Variants in KIF26B observed in about 807,000 individuals in gnomAD.
KIF26B encodes kinesin-like protein KIF26B.
Under a neutral mutation model 151.2 loss-of-function variants are expected in KIF26B, and 63 were observed. The ratio of observed to expected loss-of-function variants is 0.42; its 90% CI spans 0.34 to 0.51. KIF26B has a LOEUF of 0.51. Ranked by LOEUF, KIF26B falls within the 20% of genes least tolerant of loss-of-function variation. KIF26B has a pLI of 0.07. For missense variants in KIF26B, 2,813 were observed against 2,913.6 expected (o/e 0.97, Z 0.79); for synonymous variants, 1,357 against 1,262.1 (o/e 1.08, Z -1.59).
chr1:245,447,328 T>C (rs1659270486), intron 4 of KIF26B, among the ~76,000 whole-genome samples: 1 of 152,236 alleles, frequency 6.6e-6, no homozygotes, highest in African/African-American at 2.4e-5. Flanking sequence ...GTTTTGCATA[T>C]CTACAAAGTG....
At chr1:245,605,204 G>A (rs1017217196) in intron 6 of KIF26B, among the ~76,000 whole-genome samples, 2 of 151,546 alleles carry the variant, frequency 1.3e-5, no homozygotes, top group Admixed American at 1.3e-4. Flanking sequence ...CACAGGAAGT[G>A]CTCACAGCAG....
chr1:245,584,503 CAT>C (rs1291689957), intron 5 of KIF26B, among the ~76,000 whole-genome samples: 3 of 152,214 alleles, frequency 2.0e-5, no homozygotes, highest in Admixed American at 6.5e-5. Flanking sequence ...CAAACACACT[CAT>C]GTGCACACAG....
intron 2 of KIF26B, among the ~76,000 whole-genome samples, chr1:245,292,842 C>T (rs941855425): frequency 2.0e-5 from 3 of 152,302 alleles, no homozygotes; most frequent in East Asian, 3.9e-4. Context: ...CATAACAACA[C>T]AGCTTCCTCC....
rs36085161 is a variant in KIF26B, at chr1:245,273,416, C to CAA, written c.466-93394_466-93393dup. ...CTGGGGAACAGAGCGAGACTTATCTCAAAAAAAAAAAAAAAAAAAAAAAAA... is the reference window on the plus strand; with the variant it reads ...CTGGGGAACAGAGCGAGACTTATCTCAAAAAAAAAAAAAAAAAAAAAAAAAAA... On this transcript the variant is annotated intron_variant, in intron 2 of 14. Transcript: ENST00000407071. Among the ~76,000 whole-genome samples the CAA allele has an allele frequency of 3.8e-3, 485 of 126,710 alleles. 3 individuals are homozygous for CAA. The highest frequency in any genetic ancestry group is 0.011 in the African/African-American group (401 of 37,980). The allele number at this position is 126,710 out of a possible 152,430, so 83.1% of individuals were successfully genotyped here. A position where few individuals can be genotyped will look rare whatever the true frequency, so the allele number is the denominator to read the frequency against.
chr1:245,698,904 T>C lies in KIF26B; in HGVS notation c.6045T>C (p.Asn2015=), dbSNP rs2044731665. The C allele has an allele frequency of 1.9e-6, 3 of 1,613,900 alleles. No individual in the cohort carries two copies. Among genetic ancestry groups the C allele is most frequent in the Non-Finnish European group, 2.5e-6 (3 of 1,179,834 alleles). Residue 2015 remains asparagine, a synonymous_variant, in exon 14 of 15, where the codon AAT becomes AAC. Transcript: ENST00000407071. The surrounding 1 kb of genome is among the most constrained non-coding windows in gnomAD (Gnocchi z 4.0). ...GGASKEAMCF[N]AKLKILEHRQ... is the part of the protein sequence containing the mutation. ...TGTGCTAGGAGGCCATGTGCTTCAA[T>C]GCAAAGCTGAAGATTCTGGAACACC...
In KIF26B at chr1:245,597,730, A is replaced by T. The variant is rs542639093; in HGVS notation, c.1351-4847A>T. 2.0e-5 allele frequency among the ~76,000 whole-genome samples: 3 copies of T among 152,224 alleles called. No individual in the cohort carries two copies. Among genetic ancestry groups the T allele is most frequent in the African/African-American group, 7.2e-5 (3 of 41,478 alleles). On this transcript the variant is annotated intron_variant, in intron 5 of 14. Coordinates refer to ENST00000407071, the MANE Select transcript of KIF26B (RefSeq NM_018012.4). The surrounding 1 kb of genome is among the most constrained non-coding windows in gnomAD (Gnocchi z 4.6). ...ATAATATCCTGAAGAGTGGTTTCCAACTTGGTTCCATTCTCCCTATCACTT... is the reference window on the plus strand; with the variant it reads ...ATAATATCCTGAAGAGTGGTTTCCATCTTGGTTCCATTCTCCCTATCACTT...
Position 245,704,023 on chromosome 1 carries a change from CAATTCCCTTAGGAATTATG to C in KIF26B, c.*1419_*1437del, listed in dbSNP as rs1236348596. 2 of 151,658 alleles carry C rather than the reference CAATTCCCTTAGGAATTATG, an allele frequency of 1.3e-5. No homozygotes were observed. Among genetic ancestry groups the C allele is most frequent in the Admixed American group, 6.6e-5 (1 of 15,250 alleles). 9.4% of individuals were successfully genotyped at this position (151,658 alleles called of 1,614,324 possible). A position where few individuals can be genotyped will look rare whatever the true frequency, so the allele number is the denominator to read the frequency against. On this transcript the variant is annotated 3_prime_UTR_variant, in exon 15 of 15. Coordinates refer to ENST00000407071, the MANE Select transcript of KIF26B (RefSeq NM_018012.4). ...CAAATTCAGATGTTCCTCCCTATAA[CAATTCCCTTAGGAATTATG>C]ATACCCATTTTAGTGATTGATAGAA...
At chr1:245,296,466 G>A (rs4020773) in intron 2 of KIF26B, among the ~76,000 whole-genome samples, 98,299 of 151,774 alleles carry the variant, frequency 0.65, 32,671 homozygotes, top group African/African-American at 0.79. Context: ...TAAGGGCCCC[G>A]ACACAGGTGC....
chr1:245,552,122 G>GATGTGTGTGTGTGTGTGTGTGTGTGTGT, intron 5 of KIF26B, among the ~76,000 whole-genome samples: 1 of 131,708 alleles, frequency 7.6e-6, no homozygotes, highest in Admixed American at 7.6e-5. Context: ...GAACCAGCAG[G>GATGTGTGTGTGTGTGTGTGTGTGTGTGT]GTGTGTGTGT....
intron 10 of KIF26B, among the ~76,000 whole-genome samples, chr1:245,670,445 T>C (rs1472390863): frequency 6.6e-6 from 1 of 151,698 alleles, no homozygotes; most frequent in Non-Finnish European, 1.5e-5. Flanking sequence ...TATTGTGAAA[T>C]TATTAACACA....
At chr1:245,676,820 G>A (rs1038201764) in intron 10 of KIF26B, among the ~76,000 whole-genome samples, 1 of 152,102 alleles carries the variant, frequency 6.6e-6, no homozygotes, top group Admixed American at 6.5e-5. Context: ...CTCATCACAC[G>A]TCTCCTCCTG....
intron 2 of KIF26B, among the ~76,000 whole-genome samples, chr1:245,260,230 T>C (rs763435238): frequency 3.3e-5 from 5 of 152,162 alleles, no homozygotes; most frequent in Non-Finnish European, 5.9e-5. Context: ...AAGCGTGGCC[T>C]GCAGAATCAG....
At chr1:245,474,861 C>A (rs1293143478) in intron 4 of KIF26B, among the ~76,000 whole-genome samples, 1 of 151,804 alleles carries the variant, frequency 6.6e-6, no homozygotes, top group African/African-American at 2.4e-5. Flanking sequence ...GTTTAGTTCC[C>A]AAATATGAGT....
chr1:245,696,799 C>G (rs141010520), intron 12 of KIF26B, among the ~76,000 whole-genome samples: 2 of 152,282 alleles, frequency 1.3e-5, no homozygotes, highest in East Asian at 1.9e-4. Context: ...TACACAAGAT[C>G]AAATCTGGGC....
chr1:245,184,050 G>GTTTTGTTTTGTTTTTTTTT (rs1553332273), intron 2 of KIF26B, among the ~76,000 whole-genome samples: 1 of 19,804 alleles, frequency 5.0e-5, no homozygotes, highest in Non-Finnish European at 9.9e-5. Flanking sequence ...GGGAGTTGTT[G>GTTTTGTTTTGTTTTTTTTT]TTTTTTTTTT....
chr1:245,440,176 G>A (rs985592120), intron 4 of KIF26B, among the ~76,000 whole-genome samples: 1 of 151,820 alleles, frequency 6.6e-6, no homozygotes, highest in Non-Finnish European at 1.5e-5. Flanking sequence ...AGCCGAGATC[G>A]TGCCACTGCA....
intron 3 of KIF26B, among the ~76,000 whole-genome samples, chr1:245,398,146 G>C (rs4658767): frequency 0.1 from 15,932 of 152,152 alleles, 1,494 homozygotes; most frequent in African/African-American, 0.26. Context: ...TGGCTCTACT[G>C]TGCTTCCATG....
At chr1:245,455,365 AT>A (rs778241536) in intron 4 of KIF26B, among the ~76,000 whole-genome samples, 2 of 152,036 alleles carry the variant, frequency 1.3e-5, no homozygotes, top group Non-Finnish European at 2.9e-5. Context: ...TTAGCTGGGG[AT>A]GGTTACACGT....
intron 2 of KIF26B, among the ~76,000 whole-genome samples, chr1:245,201,690 A>G (rs541185500): frequency 6.6e-6 from 1 of 152,338 alleles, no homozygotes; most frequent in South Asian, 2.1e-4. Context: ...GCTAAGCATT[A>G]CCAGAAGTCA....
Sources: gnomAD v4.1 joint callset for allele counts (sites outside exome capture counted in the v4.1 genomes callset) on GRCh38, gnomAD v4.1.1 for gene constraint, Gnocchi (gnomAD v3.1) non-coding constraint, MANE v1.5 for transcripts, NCBI Gene and HGNC (gene_info 2026-07-23, HGNC 2026-07-21) for gene names.